The following PDE10A variants were observed in gnomAD, a reference collection of about 807,000 sequenced individuals.
The protein encoded by PDE10A is cAMP and cAMP-inhibited cGMP 3',5'-cyclic phosphodiesterase 10A.
Under a neutral mutation model 97.7 loss-of-function variants are expected in PDE10A, and 39 were observed. The observed-to-expected ratio is 0.40, with a 90% CI of 0.31 to 0.52. PDE10A has a LOEUF of 0.52. PDE10A is among the 20% of genes least tolerant of loss of function. The pLI is 0.56. For synonymous variants in PDE10A, 371 were observed against 376.8 expected, an observed-to-expected ratio of 0.98 and a Z score of 0.18; for missense variants, 731 against 1,047.8, an observed-to-expected ratio of 0.70 and a Z score of 4.17.
At chr6:165,844,985 T>C (rs995795424) in intron 1 of PDE10A, among the ~76,000 whole-genome samples, 1 of 152,260 alleles carries the variant, frequency 6.6e-6, no homozygotes, top group East Asian at 1.9e-4. Context: ...TTTGTATTTA[T>C]GGAAGTATCT....
intron 3 of PDE10A, among the ~76,000 whole-genome samples, chr6:165,461,256 A>G (rs895767893): frequency 1.3e-5 from 2 of 152,178 alleles, no homozygotes; most frequent in African/African-American, 2.4e-5. Flanking sequence ...TTGGCCTTTA[A>G]TAATTAGTCA....
At chr6:165,433,770 C>T (rs965053412) in intron 6 of PDE10A, among the ~76,000 whole-genome samples, 2 of 151,952 alleles carry the variant, frequency 1.3e-5, no homozygotes, top group African/African-American at 4.8e-5. Context: ...AATCCCAGCA[C>T]TTTGGGAGGC....
In PDE10A at chr6:165,339,277, C is replaced by T; in HGVS notation, c.2976+1G>A. On this transcript the variant is annotated splice_donor_variant, in intron 20 of 21. Transcript: ENST00000539869. LOFTEE classifies it high-confidence loss of function. ...TTACAATTTACTTTAATAATTCATA[C>T]CTGGCCTTGGGGGACTTCATCCTTC... The T allele has an allele frequency of 6.4e-7, 1 of 1,566,898 alleles. No homozygotes were observed. Among genetic ancestry groups the T allele is most frequent in the Non-Finnish European group, 8.8e-7 (1 of 1,137,520 alleles).
At chr6:165,767,903 G>A (rs114964756) in intron 1 of PDE10A, among the ~76,000 whole-genome samples, 2,294 of 152,128 alleles carry the variant, frequency 0.015, 52 homozygotes, top group African/African-American at 0.052. Context: ...AATGCATGAG[G>A]GTTCTAATTT....
intron 13 of PDE10A, among the ~76,000 whole-genome samples, chr6:165,404,565 A>C (rs111419645): frequency 0.026 from 3,919 of 152,256 alleles, 88 homozygotes; most frequent in Non-Finnish European, 0.038. Flanking sequence ...CAGATCACTG[A>C]AAGCCTGGGG....
chr6:165,955,913 G>A (rs1784121945), intron 1 of PDE10A, among the ~76,000 whole-genome samples: 1 of 152,172 alleles, frequency 6.6e-6, no homozygotes, highest in Non-Finnish European at 1.5e-5. Flanking sequence ...AATTCCTAAA[G>A]CTATACAGAA....
chr6:165,372,903 A>G (rs2128203110), intron 18 of PDE10A, among the ~76,000 whole-genome samples: 1 of 152,110 alleles, frequency 6.6e-6, no homozygotes, highest in South Asian at 2.1e-4. Flanking sequence ...GGAACAGAAG[A>G]GAGCCCTCAG....
rs1781366433 is a variant in PDE10A, at chr6:165,331,934, T to TA, written c.*1090dup. The TA allele has an allele frequency of 6.6e-6, 1 of 152,166 alleles. No homozygotes were observed. Among genetic ancestry groups the TA allele is most frequent in the African/African-American group, 2.4e-5 (1 of 41,430 alleles). The allele number at this position is 152,166 out of a possible 1,614,324, so 9.4% of individuals were successfully genotyped here. On this transcript the variant is annotated 3_prime_UTR_variant, in exon 22 of 22. Coordinates refer to ENST00000539869, the MANE Select transcript of PDE10A (RefSeq NM_001385079.1). ...TGCTATGGACAGAAAGCTCATGAAA[T>TA]ACGACCGTGCAGTACGTGGAAGAGA...
At chr6:165,347,405 C>T (rs1319358278) in intron 18 of PDE10A, among the ~76,000 whole-genome samples, 1 of 151,940 alleles carries the variant, frequency 6.6e-6, no homozygotes, top group Admixed American at 6.6e-5. Flanking sequence ...AATTTAAGTT[C>T]TAAAATCTTA....
upstream of PDE10A, among the ~76,000 whole-genome samples, chr6:165,664,146 C>A (rs754312344): frequency 7.9e-5 from 12 of 152,114 alleles, no homozygotes; most frequent in Non-Finnish European, 1.8e-4. Context: ...TCAGCTTTCA[C>A]GAAGGGCAAA....
At chr6:165,381,281 G>A (rs1784906768) in intron 17 of PDE10A, among the ~76,000 whole-genome samples, 1 of 152,232 alleles carries the variant, frequency 6.6e-6, no homozygotes, top group Admixed American at 6.5e-5. Context: ...CTGTCCCAAA[G>A]CAAGTTAAGA....
intron 5 of PDE10A, among the ~76,000 whole-genome samples, chr6:165,439,921 T>C (rs1383893177): frequency 6.6e-6 from 1 of 152,188 alleles, no homozygotes; most frequent in Non-Finnish European, 1.5e-5. Context: ...AAATAGATGT[T>C]TACCTCACTT....
chr6:165,890,164 G>A, intron 1 of PDE10A, among the ~76,000 whole-genome samples: 1 of 151,848 alleles, frequency 6.6e-6, no homozygotes, highest in Non-Finnish European at 1.5e-5. Flanking sequence ...GTCATTTAGA[G>A]TCATTTAGAC....
chr6:165,422,378 G>C (rs1188287818), intron 10 of PDE10A, among the ~76,000 whole-genome samples: 2 of 105,070 alleles, frequency 1.9e-5, no homozygotes, highest in African/African-American at 8.0e-5. Flanking sequence ...TACACACACA[G>C]GCATACACAC....
At chr6:165,885,266 G>T (rs1415583668) in intron 1 of PDE10A, among the ~76,000 whole-genome samples, 1 of 152,216 alleles carries the variant, frequency 6.6e-6, no homozygotes, top group African/African-American at 2.4e-5. Flanking sequence ...GCACGGCAGA[G>T]GAGGCCTCAG....
At chr6:165,849,585 G>A (rs915224167) in intron 1 of PDE10A, among the ~76,000 whole-genome samples, 11 of 152,084 alleles carry the variant, frequency 7.2e-5, no homozygotes, top group African/African-American at 2.4e-4. Context: ...TATTCCATTC[G>A]CTGCCTAACC....
upstream of PDE10A, among the ~76,000 whole-genome samples, chr6:165,665,742 G>T (rs539214394): frequency 6.6e-6 from 1 of 151,464 alleles, no homozygotes; most frequent in African/African-American, 2.4e-5. Context: ...AACACCAGGT[G>T]CCAAAATAAT....
rs182196586 is a variant in PDE10A at position 165,948,599 on chromosome 6, A to C, written c.-615+38930T>G. 7.8e-4 allele frequency: 119 copies of C among 152,432 alleles called. 1 individual carries two copies. The highest frequency in any genetic ancestry group is 2.7e-3 in the African/African-American group (112 of 41,590). The allele number at this position is 152,432 out of a possible 1,614,324, so 9.4% of individuals were successfully genotyped here. A position where few individuals can be genotyped will look rare whatever the true frequency, so the allele number is the denominator to read the frequency against. On this transcript the variant is annotated intron_variant, in intron 1 of 19. Transcript: ENST00000366882. ...GTGTTTCCAGCAACAGAAGTTCCCG[A>C]ATACTCCTGCTAAGGAAGGTAGCTG...
intron 1 of PDE10A, among the ~76,000 whole-genome samples, chr6:165,712,003 T>C (rs1791906512): frequency 6.6e-6 from 1 of 152,140 alleles, no homozygotes; most frequent in Admixed American, 6.5e-5. Context: ...AATTCCTCAC[T>C]GGTCTTTATT....
Sources: allele counts gnomAD v4.1 joint callset (sites outside exome capture counted in the v4.1 genomes callset), GRCh38; gene constraint gnomAD v4.1.1; transcripts MANE v1.5; gene names NCBI Gene and HGNC (gene_info 2026-07-23, HGNC 2026-07-21).